The following PSMD11 variants were observed in gnomAD, a reference collection of about 807,000 sequenced individuals.
PSMD11 encodes the protein proteasome 26S subunit, non-ATPase 11.
A neutral mutation model predicts 62.3 loss-of-function variants in PSMD11; 5 were observed. That is an observed-to-expected ratio of 0.08 (90% CI 0.04 to 0.17). PSMD11 has a LOEUF of 0.17. Among genes scored for constraint, PSMD11 ranks in the 10% least tolerant of loss-of-function variants. PSMD11 has a pLI of 1.00. For missense variants in PSMD11, 310 were observed against 512.9 expected, an observed-to-expected ratio of 0.60 and a Z score of 3.82; for synonymous variants, 191 against 191.8, an observed-to-expected ratio of 1.00 and a Z score of 0.03.
chr17:32,480,306 G>A (rs368897614), intron 12 of PSMD11, 109 bp downstream of exon 12: 2 of 1,505,684 alleles, frequency 1.3e-6, no homozygotes, highest in East Asian at 2.3e-5. Context: ...GTTCACCCTG[G>A]GGTCCTGGCC....
At chr17:32,478,099 T>A (rs1908383577) in intron 9 of PSMD11, among the ~76,000 whole-genome samples, 1 of 152,258 alleles carries the variant, frequency 6.6e-6, no homozygotes, top group African/African-American at 2.4e-5. Context: ...AGGCTTTCTT[T>A]AACCCTGGTG....
In PSMD11 at chr17:32,444,588, C is replaced by T. The variant is rs1398237561; in HGVS notation, c.65C>T (p.Ala22Val). The T allele has an allele frequency of 6.2e-7, 1 of 1,611,880 alleles. No homozygotes were observed. Among genetic ancestry groups the T allele is most frequent in the Non-Finnish European group, 8.5e-7 (1 of 1,179,362 alleles). ...AQSLLSTDRE[A>V]SIDILHSIVK... is the part of the protein sequence containing the mutation. Reference sequence around the variant, plus strand: ...TCTCTACTCAGCACCGACCGGGAGGCCTCCATCGACATCCTCCACTCCATC... The same window carrying T: ...TCTCTACTCAGCACCGACCGGGAGGTCTCCATCGACATCCTCCACTCCATC... Residue 22 changes from alanine (A) to valine (V), a missense_variant, in exon 1 of 14, where the codon GCC becomes GTC. Physicochemically the swap from Ala to Val is moderately conservative, Grantham distance 64 (BLOSUM62 0). Coordinates refer to ENST00000261712, the MANE Select transcript of PSMD11 (RefSeq NM_002815.4).
At chr17:32,450,422 A>ATTT (rs58292122) in intron 2 of PSMD11, among the ~76,000 whole-genome samples, 3 of 129,526 alleles carry the variant, frequency 2.3e-5, no homozygotes, top group Admixed American at 8.0e-5. Context: ...TGCTCGGCTA[A>ATTT]TTTTTTTTTT....
chr17:32,465,216 G>A (rs1380534152), intron 5 of PSMD11, among the ~76,000 whole-genome samples: 2 of 152,004 alleles, frequency 1.3e-5, no homozygotes, highest in African/African-American at 4.8e-5. Context: ...TGCCTTTCAG[G>A]TTCAAGCGAT....
At chr17:32,458,976 T>C (rs1015544252) in intron 3 of PSMD11, among the ~76,000 whole-genome samples, 16 of 151,620 alleles carry the variant, frequency 1.1e-4, no homozygotes, top group African/African-American at 3.6e-4. Flanking sequence ...ATGCCTGTAA[T>C]CCCAGGTACT....
chr17:32,477,617 G>A (rs747226185), intron 9 of PSMD11, 34 bp downstream of exon 9: 25 of 1,541,668 alleles, frequency 1.6e-5, no homozygotes, highest in Non-Finnish European at 2.1e-5. Context: ...TGGAATGTGA[G>A]TGGAAGAGAG....
chr17:32,471,235 A>C (rs1486937625), intron 6 of PSMD11, among the ~76,000 whole-genome samples: 3 of 152,238 alleles, frequency 2.0e-5, no homozygotes, highest in African/African-American at 2.4e-5. Flanking sequence ...TTTTTATGTT[A>C]TCCCAAGTGA....
At chr17:32,463,563 G>C (rs1217149259) in intron 3 of PSMD11, 1 of 159,980 alleles carries the variant, frequency 6.3e-6, no homozygotes, top group African/African-American at 2.4e-5. Flanking sequence ...GCACTGCTTA[G>C]AATCTGAAAG....
intron 1 of PSMD11, chr17:32,445,993 G>A (rs1237144413): frequency 6.6e-6 from 1 of 152,168 alleles, no homozygotes; most frequent in Admixed American, 6.5e-5. Context: ...CTAATGTGAG[G>A]AGCATGAATT....
Position 32,451,196 on chromosome 17 carries a change from G to A in PSMD11, c.194-3299G>A, listed in dbSNP as rs570475494. 2.0e-4 allele frequency among the ~76,000 whole-genome samples: 30 copies of A among 152,092 alleles called. No homozygotes were observed. In the South Asian group the frequency reaches 6.2e-3, roughly 32 times the overall value. On this transcript the variant is annotated intron_variant, in intron 2 of 13. Coordinates refer to ENST00000261712, the MANE Select transcript of PSMD11 (RefSeq NM_002815.4). The stretch of plus-strand genomic sequence containing the variant: ...AGATCATTTGCTTCTTTCGGCGTAA[G>A]AAGGATAACACTCAGTGCTTAGAGA...
rs985093773 is a variant in PSMD11 at position 32,483,057 on chromosome 17, A to G, written c.*2305A>G. Reference sequence around the variant, plus strand: ...ATGCTCAGGCAGTAGCCCTTTTCTCAGTTCCCTTTGCGGGTCTTGGTCAGA... The same window carrying G: ...ATGCTCAGGCAGTAGCCCTTTTCTCGGTTCCCTTTGCGGGTCTTGGTCAGA... On this transcript the variant is annotated 3_prime_UTR_variant, in exon 14 of 14. Coordinates refer to ENST00000261712, the MANE Select transcript of PSMD11 (RefSeq NM_002815.4). 8.5e-5 allele frequency: 13 copies of G among 152,188 alleles called. No individual in the cohort carries two copies. Among genetic ancestry groups the G allele is most frequent in the Admixed American group, 7.2e-4 (11 of 15,280 alleles). 9.4% of individuals were successfully genotyped at this position (152,188 alleles called of 1,614,324 possible).
intron 8 of PSMD11, among the ~76,000 whole-genome samples, chr17:32,475,294 C>T (rs948248065): frequency 3.3e-5 from 5 of 150,262 alleles, no homozygotes; most frequent in South Asian, 4.2e-4. Context: ...CCTTTCTACT[C>T]GTGCTTTGAA....
chr17:32,480,703 C>A (rs1908463576), intron 13 of PSMD11, 50 bp from the exon 14 acceptor site: 1 of 1,541,328 alleles, frequency 6.5e-7, no homozygotes, highest in African/African-American at 1.4e-5. Flanking sequence ...AAACCTCCTC[C>A]TGGTGTCCTC....
At chr17:32,474,233 A>AC (rs2150838776) in intron 7 of PSMD11, among the ~76,000 whole-genome samples, 1 of 152,350 alleles carries the variant, frequency 6.6e-6, no homozygotes, top group South Asian at 2.1e-4. Context: ...AGAGCACAGG[A>AC]CAGAGGGTCA....
At position 32,475,794 on chromosome 17, in the gene PSMD11, A is replaced by G. The variant is rs563503959; in HGVS notation, c.849+970A>G. ...TTTGTAGTAGAGACAGGGTTTTGCC[A>G]TCTTGGCCAGGCTGTCCCAAACTCC... On this transcript the variant is annotated intron_variant, in intron 8 of 13. Coordinates refer to ENST00000261712, the MANE Select transcript of PSMD11 (RefSeq NM_002815.4). Among the ~76,000 whole-genome samples the G allele has an allele frequency of 7.9e-5, 12 of 151,804 alleles. 1 individual carries two copies. In the South Asian group the frequency reaches 2.3e-3, roughly 29 times the overall value.
chr17:32,473,781 C>G lies in PSMD11; in HGVS notation c.644-20C>G. 1 of 1,611,572 alleles carries G rather than the reference C, an allele frequency of 6.2e-7. No individual in the cohort carries two copies. Among genetic ancestry groups the G allele is most frequent in the Non-Finnish European group, 8.5e-7 (1 of 1,178,026 alleles). The stretch of plus-strand genomic sequence containing the variant: ...CTCTATTATTTTATATGTTCTTATT[C>G]CTTTCTTTTCAATGCCCAGGTATTA... On this transcript the variant is annotated intron_variant, in intron 6 of 13. Coordinates refer to ENST00000261712, the MANE Select transcript of PSMD11 (RefSeq NM_002815.4).
intron 12 of PSMD11, 64 bp from the exon 13 acceptor site, chr17:32,480,425 G>A: frequency 1.3e-6 from 2 of 1,592,330 alleles, no homozygotes; most frequent in African/African-American, 2.7e-5. Flanking sequence ...GGAGTGGGCT[G>A]CTTCACAAAC....
intron 2 of PSMD11, among the ~76,000 whole-genome samples, chr17:32,448,806 T>G (rs1306170321): frequency 2.0e-5 from 3 of 152,232 alleles, no homozygotes; most frequent in Admixed American, 2.0e-4. Context: ...ACAAAGCTCA[T>G]TCAACTAATA....
At chr17:32,477,671 G>T in intron 9 of PSMD11, 88 bp downstream of exon 9, 1 of 1,260,686 alleles carries the variant, frequency 7.9e-7, no homozygotes. Flanking sequence ...AATAATTATA[G>T]TTTCAAAAGA....
Sources: gnomAD v4.1 joint callset for allele counts (sites outside exome capture counted in the v4.1 genomes callset) on GRCh38, gnomAD v4.1.1 for gene constraint, MANE v1.5 for transcripts, NCBI Gene and HGNC (gene_info 2026-07-23, HGNC 2026-07-21) for gene names.